Variants in GTPBP1 observed in about 807,000 individuals in gnomAD.
The protein encoded by GTPBP1 is GTP binding protein 1.
In GTPBP1, 23 loss-of-function variants were observed where a neutral mutation model predicts 62.0. The observed-to-expected ratio is 0.37, with a 90% CI of 0.27 to 0.53. GTPBP1 has a LOEUF of 0.53. Ranked by LOEUF, GTPBP1 falls within the 20% of genes least tolerant of loss-of-function variation. The pLI, the probability that GTPBP1 is intolerant of heterozygous loss-of-function variation, is 0.89. For missense variants in GTPBP1, 640 were observed against 917.3 expected, an observed-to-expected ratio of 0.70 and a Z score of 3.90; for synonymous variants, 344 against 364.4, an observed-to-expected ratio of 0.94 and a Z score of 0.64.
chr22:38,707,981 G>A (rs930629400), intron 1 of GTPBP1, among the ~76,000 whole-genome samples: 4 of 152,044 alleles, frequency 2.6e-5, no homozygotes, highest in Admixed American at 2.6e-4. Context: ...GTGGTGGCTA[G>A]TTTCATCCAA....
At chr22:38,739,700 G>T (rs752629664), downstream of GTPBP1, 2 of 1,609,334 alleles carry the variant, frequency 1.2e-6, no homozygotes, top group Admixed American at 1.7e-5. The surrounding 1 kb of genome is among the most constrained non-coding windows in gnomAD (Gnocchi z 6.7). Context: ...TGGGTGTGTG[G>T]AGAGGGGCAT....
In GTPBP1 at chr22:38,716,879, C is replaced by A. The variant is rs763114779; in HGVS notation, c.713C>A (p.Thr238Asn). 1.9e-6 allele frequency: 3 copies of A among 1,614,032 alleles called. No individual in the cohort carries two copies. In the South Asian group the frequency reaches 3.3e-5, roughly 18 times the overall value. Residue 238 changes from threonine (T) to asparagine (N), a missense_variant, in exon 4 of 12, where the codon ACC (threonine) becomes AAC (asparagine). By Grantham distance (65) the Thr-to-Asn change is moderately conservative (BLOSUM62 0). This residue lies in a region of GTPBP1 where 88 missense variants were observed against 217.0 expected (regional missense o/e 0.41). Coordinates refer to ENST00000216044, the MANE Select transcript of GTPBP1 (RefSeq NM_004286.5). This position sits in a 1 kb window ranked among gnomAD's most constrained non-coding sequence, Gnocchi z 5.2. ...PDSHGGSLEW[T>N]KICEKSTKVI... Reference sequence around the variant, plus strand: ...AGCCACGGCGGCAGCCTGGAGTGGACCAAGATCTGTGAGAAGTCCACGAAA... The same window carrying A: ...AGCCACGGCGGCAGCCTGGAGTGGAACAAGATCTGTGAGAAGTCCACGAAA...
Position 38,721,730 on chromosome 22 carries a change from G to A in GTPBP1, c.835-12G>A, listed in dbSNP as rs747857542. 2 of 1,609,210 alleles carry A rather than the reference G, an allele frequency of 1.2e-6. No individual in the cohort carries two copies. Among genetic ancestry groups the A allele is most frequent in the Admixed American group, 3.3e-5 (2 of 59,956 alleles). On this transcript the variant is annotated splice_polypyrimidine_tract_variant and intron_variant, in intron 4 of 11. Transcript: ENST00000216044. ...TCTCTCGTCCTGACACTTCCTTTCT[G>A]TGTTGGGGCAGGTGGGCAGCAATGC...
At position 38,706,258 on chromosome 22, in the gene GTPBP1, GGAA is replaced by G. The variant is rs2092603720; in HGVS notation, c.192+116_192+118del. On this transcript the variant is annotated intron_variant, in intron 1 of 11. Transcript: ENST00000216044. ...CCCTGTCCGCGGGGAGCGCGGAACG[GGAA>G]GAAGGGGCCGAGCCCGCCCACCTGC... 3 of 676,024 alleles carry G rather than the reference GGAA, an allele frequency of 4.4e-6. No homozygotes were observed. The African/African-American group carries it at 5.6e-5, about 13-fold the overall frequency. 41.9% of individuals were successfully genotyped at this position (676,024 alleles called of 1,614,324 possible). A position where few individuals can be genotyped will look rare whatever the true frequency, so the allele number is the denominator to read the frequency against.
Position 38,732,686 on chromosome 22 carries a change from A to T in GTPBP1, c.*1982A>T, listed in dbSNP as rs2092767340. The T allele has an allele frequency of 6.6e-6, 1 of 152,208 alleles. No homozygotes were observed. The highest frequency in any genetic ancestry group is 1.5e-5 in the Non-Finnish European group (1 of 68,154). 9.4% of individuals were successfully genotyped at this position (152,208 alleles called of 1,614,324 possible). A position where few individuals can be genotyped will look rare whatever the true frequency, so the allele number is the denominator to read the frequency against. ...TTCCCAGCAGCCGCCCCTGAGGTCGATGTTTGTTCTGTTTTTCTTTTTCTT... is the reference window on the plus strand; with the variant it reads ...TTCCCAGCAGCCGCCCCTGAGGTCGTTGTTTGTTCTGTTTTTCTTTTTCTT... On this transcript the variant is annotated 3_prime_UTR_variant, in exon 12 of 12. Coordinates refer to ENST00000216044, the MANE Select transcript of GTPBP1 (RefSeq NM_004286.5).
chr22:38,720,031 C>G (rs553919920), intron 4 of GTPBP1, among the ~76,000 whole-genome samples: 17 of 150,824 alleles, frequency 1.1e-4, no homozygotes, highest in African/African-American at 4.2e-4. Flanking sequence ...CGGGTTCATG[C>G]CATTCTTCTG....
chr22:38,726,217 C>T lies in GTPBP1; in HGVS notation c.1219-41C>T, dbSNP rs1194432227. ...AGTGGCATCAGGGGGTGGGTCTGTG[C>T]TGGGGATGCACTTATGAGGCCAGGG... On this transcript the variant is annotated intron_variant, in intron 7 of 11. Transcript: ENST00000216044. The surrounding 1 kb of genome is among the most constrained non-coding windows in gnomAD (Gnocchi z 4.1). The T allele has an allele frequency of 1.9e-6, 3 of 1,611,496 alleles. No homozygotes were observed. The highest frequency in any genetic ancestry group is 1.3e-5 in the African/African-American group (1 of 74,824).
At chr22:38,723,342 T>A in intron 5 of GTPBP1, 1 of 831,550 alleles carries the variant, frequency 1.2e-6, no homozygotes, top group Non-Finnish European at 2.1e-6. Flanking sequence ...GAGCTGGTGC[T>A]AAAGAATTTT....
intron 6 of GTPBP1, chr22:38,725,565 G>A (rs1413126048): frequency 6.1e-6 from 1 of 163,082 alleles, no homozygotes; most frequent in East Asian, 1.8e-4. Context: ...GGTGTGGCTG[G>A]AATATAGGAA....
Position 38,716,826 on chromosome 22 carries a change from T to C in GTPBP1, c.660T>C (p.Ser220=). The C allele has an allele frequency of 6.2e-7, 1 of 1,614,158 alleles. No individual in the cohort carries two copies. Among genetic ancestry groups the C allele is most frequent in the Non-Finnish European group, 8.5e-7 (1 of 1,180,008 alleles). ...GCAACGACATTCTGGGCTTTGACAG[T>C]GAAGGCAATGTAGTGAACAAGCCTG... ...SVGNDILGFD[S]EGNVVNKPDS... is the part of the protein sequence containing the mutation. Residue 220 remains serine, a synonymous_variant, in exon 4 of 12, where the codon AGT becomes AGC. Coordinates refer to ENST00000216044, the MANE Select transcript of GTPBP1 (RefSeq NM_004286.5). This position sits in a 1 kb window ranked among gnomAD's most constrained non-coding sequence, Gnocchi z 5.2.
rs1455162337 is a variant in GTPBP1, at chr22:38,726,182, C to T, written c.1218+32C>T. 4.4e-6 allele frequency: 7 copies of T among 1,608,678 alleles called. No individual in the cohort carries two copies. In the South Asian group the frequency reaches 5.5e-5, roughly 13 times the overall value. On this transcript the variant is annotated intron_variant, in intron 7 of 11. Coordinates refer to ENST00000216044, the MANE Select transcript of GTPBP1 (RefSeq NM_004286.5). The surrounding 1 kb of genome is among the most constrained non-coding windows in gnomAD (Gnocchi z 4.1). ...GGCTCTGGGCGGGTAGCTGGGTGGGCACTTCCTACAGTGGCATCAGGGGGT... is the reference window on the plus strand; with the variant it reads ...GGCTCTGGGCGGGTAGCTGGGTGGGTACTTCCTACAGTGGCATCAGGGGGT...
At chr22:38,723,432 A>T in intron 5 of GTPBP1, 1 of 1,078,976 alleles carries the variant, frequency 9.3e-7, no homozygotes, top group Non-Finnish European at 1.4e-6. Context: ...GCAGTGGCAG[A>T]AATGCCCCAA....
downstream of GTPBP1, chr22:38,738,020 C>T: frequency 1.3e-6 from 1 of 755,308 alleles, no homozygotes; most frequent in Non-Finnish European, 2.4e-6. The surrounding 1 kb of genome is among the most constrained non-coding windows in gnomAD (Gnocchi z 6.6). Context: ...ATGCGTGTTA[C>T]ACCCCATTTG....
At chr22:38,738,044 G>C (rs762444455), downstream of GTPBP1, 20 of 840,576 alleles carry the variant, frequency 2.4e-5, no homozygotes, top group Admixed American at 3.7e-5. This position sits in a 1 kb window ranked among gnomAD's most constrained non-coding sequence, Gnocchi z 6.6. Flanking sequence ...ATCACATCTT[G>C]AGCTGTGGGA....
downstream of GTPBP1, chr22:38,734,122 GAC>G (rs1221749875): frequency 1.9e-5 from 6 of 308,770 alleles, no homozygotes; most frequent in Admixed American, 2.9e-4. Context: ...CCTCCCTACT[GAC>G]TGGCTTTCTG....
chr22:38,742,356 C>T (rs1454092703), downstream of GTPBP1: 14 of 1,611,926 alleles, frequency 8.7e-6, 1 homozygote, highest in Middle Eastern at 1.7e-4. Context: ...AGCTTCACGG[C>T]GGCTCACTAG....
At chr22:38,712,988 C>T (rs953026681) in intron 2 of GTPBP1, among the ~76,000 whole-genome samples, 4 of 152,146 alleles carry the variant, frequency 2.6e-5, no homozygotes, top group African/African-American at 9.7e-5. Flanking sequence ...TCCTTGTTTT[C>T]AAGATGCTTA....
rs371668519 is a variant in GTPBP1, at chr22:38,716,098, C to T, written c.485+11C>T. Reference sequence around the variant, plus strand: ...CTTCCTGGAGGTCAGGTGAGGAGGCCGCGGGACATTTTGGGGTCCCCATTC... The same window carrying T: ...CTTCCTGGAGGTCAGGTGAGGAGGCTGCGGGACATTTTGGGGTCCCCATTC... On this transcript the variant is annotated intron_variant, in intron 3 of 11. Transcript: ENST00000216044. The surrounding 1 kb of genome is among the most constrained non-coding windows in gnomAD (Gnocchi z 5.2). 190 of 1,567,082 alleles carry T rather than the reference C, an allele frequency of 1.2e-4. 1 individual carries two copies. The African/African-American group carries it at 2.0e-3, about 16-fold the overall frequency.
intron 6 of GTPBP1, chr22:38,725,729 G>A (rs899342106): frequency 6.9e-6 from 3 of 435,726 alleles, no homozygotes; most frequent in East Asian, 3.8e-5. Flanking sequence ...CAGTCATGAG[G>A]TTCCAAACTA....
Sources: allele counts gnomAD v4.1 joint callset (sites outside exome capture counted in the v4.1 genomes callset), GRCh38; gene constraint gnomAD v4.1.1; regional missense constraint gnomAD v4.1.1; non-coding constraint Gnocchi (gnomAD v3.1); transcripts MANE v1.5; gene names NCBI Gene and HGNC (gene_info 2026-07-23, HGNC 2026-07-21).